The following NECTIN3 variants were observed in gnomAD, a reference collection of about 807,000 sequenced individuals.
NECTIN3 encodes nectin-3.
Under a neutral mutation model 49.4 loss-of-function variants are expected in NECTIN3, and 8 were observed. The ratio of observed to expected loss-of-function variants is 0.16; its 90% confidence interval spans 0.10 to 0.29. The LOEUF is 0.29. Ranked by LOEUF, NECTIN3 falls within the 10% of genes least tolerant of loss-of-function variation. The pLI is 1.00. For synonymous variants in NECTIN3, 277 were observed against 241.1 expected, an observed-to-expected ratio of 1.15 and a Z score of -1.38; for missense variants, 581 against 654.6, an observed-to-expected ratio of 0.89 and a Z score of 1.23.
chr3:111,099,247 C>T (rs1427750416), intron 1 of NECTIN3, among the ~76,000 whole-genome samples: 2 of 152,164 alleles, frequency 1.3e-5, no homozygotes, highest in African/African-American at 4.8e-5. Flanking sequence ...CTACACACTT[C>T]TCTCATTGGT....
intron 2 of NECTIN3, among the ~76,000 whole-genome samples, chr3:111,116,929 G>T (rs1294097905): frequency 6.6e-6 from 1 of 151,972 alleles, no homozygotes; most frequent in African/African-American, 2.4e-5. Context: ...CTGTGGAAAG[G>T]TTTTTGAAAT....
intron 2 of NECTIN3, among the ~76,000 whole-genome samples, chr3:111,114,056 T>C (rs2033585692): frequency 6.6e-6 from 1 of 152,170 alleles, no homozygotes; most frequent in South Asian, 2.1e-4. Flanking sequence ...ATAAAATCAC[T>C]TTTTATTTTG....
downstream of NECTIN3, among the ~76,000 whole-genome samples, chr3:111,139,124 T>C (rs1314359201): frequency 6.6e-6 from 1 of 151,724 alleles, no homozygotes; most frequent in East Asian, 1.9e-4. Context: ...TATTATTTCA[T>C]CTGTAAATAA....
chr3:111,193,310 C>T (rs775606488), intron 1 of NECTIN3: 64 of 1,535,690 alleles, frequency 4.2e-5, no homozygotes, highest in Non-Finnish European at 5.3e-5. Context: ...AAGACCGGAG[C>T]CCTGGCAAAC....
chr3:111,106,613 G>A (rs942190844), intron 1 of NECTIN3, among the ~76,000 whole-genome samples: 3 of 152,180 alleles, frequency 2.0e-5, no homozygotes, highest in African/African-American at 7.2e-5. Flanking sequence ...GTTAATTACT[G>A]AATGTGCTGG....
chr3:111,163,793 T>G (rs553329168), intron 7 of NECTIN3, among the ~76,000 whole-genome samples: 8 of 152,266 alleles, frequency 5.3e-5, no homozygotes, highest in African/African-American at 1.9e-4. Flanking sequence ...ATGATTTTTT[T>G]TCTTTATGCA....
In NECTIN3 at chr3:111,134,917, T is replaced by A. The variant is rs2034524088; in HGVS notation, c.*702T>A. On this transcript the variant is annotated 3_prime_UTR_variant, in exon 6 of 6. Coordinates refer to ENST00000485303, the MANE Select transcript of NECTIN3 (RefSeq NM_015480.3). ...AGCATAATTAGCTGGTCAATATTTTTGTCCAAAATACCTGCAAGAGTAATA... is the reference window on the plus strand; with the variant it reads ...AGCATAATTAGCTGGTCAATATTTTAGTCCAAAATACCTGCAAGAGTAATA... 5.1e-6 allele frequency: 5 copies of A among 983,728 alleles called. No individual in the cohort carries two copies. The South Asian group carries it at 1.4e-4, about 28-fold the overall frequency. The allele number at this position is 983,728 out of a possible 1,614,324, so 60.9% of individuals were successfully genotyped here. A position where few individuals can be genotyped will look rare whatever the true frequency, so the allele number is the denominator to read the frequency against.
At chr3:111,147,928 CA>C (rs2107510357) in intron 7 of NECTIN3, among the ~76,000 whole-genome samples, 1 of 152,208 alleles carries the variant, frequency 6.6e-6, no homozygotes, top group East Asian at 1.9e-4. Flanking sequence ...GGAATCAGTT[CA>C]CGTTAATTCA....
At chr3:111,090,283 C>CAT (rs1164995252) in intron 1 of NECTIN3, among the ~76,000 whole-genome samples, 3 of 152,030 alleles carry the variant, frequency 2.0e-5, no homozygotes, top group Non-Finnish European at 4.4e-5. Context: ...TCTACTTGTC[C>CAT]ATACGTCCTT....
At chr3:111,193,258 G>A in intron 1 of NECTIN3, 2 of 1,535,756 alleles carry the variant, frequency 1.3e-6, no homozygotes, top group African/African-American at 1.4e-5. Context: ...GGGGAAGATG[G>A]CATTCAGCAG....
At chr3:111,193,215 A>G in intron 1 of NECTIN3, 8 of 1,535,302 alleles carry the variant, frequency 5.2e-6, no homozygotes, top group South Asian at 1.2e-5. Context: ...ACTAAATAGC[A>G]GGAGTTTTGA....
At chr3:111,132,498 G>T (rs1430338295) in intron 5 of NECTIN3, among the ~76,000 whole-genome samples, 1 of 151,422 alleles carries the variant, frequency 6.6e-6, no homozygotes, top group Non-Finnish European at 1.5e-5. Flanking sequence ...TTACCATTTG[G>T]GTCATTTATT....
Position 111,098,275 on chromosome 3 carries a change from C to T in NECTIN3, c.161-13755C>T, listed in dbSNP as rs533026148. 4.6e-5 allele frequency among the ~76,000 whole-genome samples: 7 copies of T among 152,272 alleles called. No homozygotes were observed. The South Asian group carries it at 8.3e-4, about 18-fold the overall frequency. On this transcript the variant is annotated intron_variant, in intron 1 of 5. Transcript: ENST00000485303. ...CATGCCAAATTTAGTGCAATACTCT[C>T]TTATATTAGTTTCCTAGGGCTTCTA...
chr3:111,118,585 G>T, intron 2 of NECTIN3, 71 bp from the exon 3 acceptor site: 1 of 1,321,994 alleles, frequency 7.6e-7, no homozygotes, highest in Non-Finnish European at 1.0e-6. Flanking sequence ...AATATGTTTA[G>T]ATGTGACTTG....
chr3:111,112,404 A>G (rs760108088), intron 2 of NECTIN3, 33 bp downstream of exon 2: 1 of 1,224,162 alleles, frequency 8.2e-7, no homozygotes, highest in Non-Finnish European at 1.1e-6. Flanking sequence ...TTTTGGTGAT[A>G]GTGGTGAAGA....
intron 7 of NECTIN3, among the ~76,000 whole-genome samples, chr3:111,150,134 A>G (rs1314566577): frequency 1.3e-5 from 2 of 152,072 alleles, no homozygotes; most frequent in Admixed American, 6.6e-5. Context: ...CTTAGAAATC[A>G]TGATCAGGAG....
intron 7 of NECTIN3, among the ~76,000 whole-genome samples, chr3:111,163,748 A>C (rs1202269920): frequency 6.6e-6 from 1 of 152,202 alleles, no homozygotes; most frequent in East Asian, 1.9e-4. Flanking sequence ...GATTCATTTT[A>C]TAGGTGGTTA....
At chr3:111,138,507 T>C (rs985485372), downstream of NECTIN3, among the ~76,000 whole-genome samples, 4 of 151,584 alleles carry the variant, frequency 2.6e-5, no homozygotes, top group Non-Finnish European at 4.4e-5. Context: ...TTGACTTGAG[T>C]AGTGTTAGGT....
intron 1 of NECTIN3, among the ~76,000 whole-genome samples, chr3:111,099,351 A>T (rs1157349720): frequency 6.6e-6 from 1 of 152,200 alleles, no homozygotes; most frequent in Non-Finnish European, 1.5e-5. Context: ...TAGGTTTACA[A>T]GTATTGTGGT....
Sources: allele counts gnomAD v4.1 joint callset (sites outside exome capture counted in the v4.1 genomes callset), GRCh38; gene constraint gnomAD v4.1.1; transcripts MANE v1.5; gene names NCBI Gene and HGNC (gene_info 2026-07-23, HGNC 2026-07-21).